The following CUBN variants were observed in gnomAD, a reference collection of about 807,000 sequenced individuals.
CUBN encodes the protein 460 kDa receptor.
In CUBN, 282 loss-of-function variants were observed where a neutral mutation model predicts 405.3. That is an observed-to-expected ratio of 0.70 (90% confidence interval 0.63 to 0.77). The LOEUF (loss-of-function observed/expected upper bound fraction) is 0.77. CUBN is among the 30% of genes least tolerant of loss of function. The pLI is 0.00. For synonymous variants in CUBN, 1,684 were observed against 1,617.0 expected, an observed-to-expected ratio of 1.04 and a Z score of -0.99; for missense variants, 4,514 against 4,475.2, an observed-to-expected ratio of 1.01 and a Z score of -0.25.
chr10:16,876,767 C>T, intron 57 of CUBN, 130 bp downstream of exon 57: 1 of 838,364 alleles, frequency 1.2e-6, no homozygotes, highest in Non-Finnish European at 2.0e-6. Flanking sequence ...CCATGAACCT[C>T]ACTGACAATC....
At chr10:16,936,864 G>T (rs1329555855) in intron 39 of CUBN, among the ~76,000 whole-genome samples, 1 of 152,010 alleles carries the variant, frequency 6.6e-6, no homozygotes, top group East Asian at 1.9e-4. Flanking sequence ...CTACAGACGC[G>T]CTCCACCACG....
At position 17,084,408 on chromosome 10, in the gene CUBN, G is replaced by A. The variant is rs1836052672; in HGVS notation, c.2164C>T (p.Pro722Ser). ...TGAGTGAAAGGCCCAGACAACTCAGGCAAGAAGAGTTCACCCTCTGGGTCC... is the reference window on the plus strand; with the variant it reads ...TGAGTGAAAGGCCCAGACAACTCAGACAAGAAGAGTTCACCCTCTGGGTCC... ...YTDPEGELFL[P>S]ELSGPFTHTR... Residue 722 changes from proline (P) to serine (S), a missense_variant, in exon 17 of 67, where the codon CCT (proline) becomes TCT (serine). This residue lies in a region of CUBN where 1,448 missense variants were observed against 1,388.0 expected (regional missense o/e 1.04). Coordinates refer to ENST00000377833, the MANE Select transcript of CUBN (RefSeq NM_001081.4). The A allele has an allele frequency of 3.7e-6, 6 of 1,614,044 alleles. No homozygotes were observed. The highest frequency in any genetic ancestry group is 4.2e-6 in the Non-Finnish European group (5 of 1,179,998).
At chr10:17,061,798 T>C (rs371627888) in intron 22 of CUBN, among the ~76,000 whole-genome samples, 16 of 152,316 alleles carry the variant, frequency 1.1e-4, no homozygotes, top group African/African-American at 3.8e-4. Context: ...AGTTTGATGA[T>C]AGCCCTGAAT....
Position 16,938,949 on chromosome 10 carries a change from A to C in CUBN, c.5733+14T>G. 1 of 1,601,216 alleles carries C rather than the reference A, an allele frequency of 6.2e-7. No homozygotes were observed. On this transcript the variant is annotated intron_variant, in intron 38 of 66. Coordinates refer to ENST00000377833, the MANE Select transcript of CUBN (RefSeq NM_001081.4). ...ACCAATATTTATGAACATTGATTGC[A>C]TGTGGAAACTCACCCTTAATTTGTC...
intron 28 of CUBN, among the ~76,000 whole-genome samples, chr10:17,019,115 T>C (rs895561926): frequency 3.9e-5 from 6 of 152,228 alleles, no homozygotes; most frequent in Admixed American, 3.9e-4. Context: ...ATGCTGACGC[T>C]GCTCTCTAGG....
intron 60 of CUBN, among the ~76,000 whole-genome samples, chr10:16,847,887 A>G (rs1839566400): frequency 7.0e-6 from 1 of 143,836 alleles, no homozygotes; most frequent in Non-Finnish European, 1.5e-5. Context: ...TTTGATTATA[A>G]TCTCTAAAAA....
intron 31 of CUBN, among the ~76,000 whole-genome samples, chr10:16,962,345 A>G (rs75286686): frequency 0.033 from 5,045 of 152,118 alleles, 287 homozygotes; most frequent in African/African-American, 0.12. Context: ...CTATGGAGGC[A>G]AAAAAGAAAA....
chr10:17,054,344 A>AC (rs1168204008), intron 22 of CUBN, among the ~76,000 whole-genome samples: 2 of 151,446 alleles, frequency 1.3e-5, no homozygotes, highest in East Asian at 3.9e-4. Flanking sequence ...AAAAAAAAAA[A>AC]AAACTGGGGA....
intron 56 of CUBN, among the ~76,000 whole-genome samples, chr10:16,884,357 T>TTTC (rs1840750651): frequency 6.6e-6 from 1 of 151,412 alleles, no homozygotes; most frequent in Admixed American, 6.6e-5. Flanking sequence ...CAAGAAGTGC[T>TTTC]TTATCTATGA....
intron 53 of CUBN, among the ~76,000 whole-genome samples, chr10:16,899,434 C>T (rs1841292137): frequency 6.6e-6 from 1 of 152,160 alleles, no homozygotes; most frequent in African/African-American, 2.4e-5. Context: ...TAATCCGTGC[C>T]ATAGAGAGGA....
At chr10:17,040,925 C>A (rs528259669) in intron 27 of CUBN, 108 bp downstream of exon 27, 7 of 997,624 alleles carry the variant, frequency 7.0e-6, no homozygotes, top group Non-Finnish European at 4.8e-6. Flanking sequence ...GTTATAGATG[C>A]GTGGGGCAGA....
At chr10:17,086,765 G>A (rs1318143663) in intron 15 of CUBN, among the ~76,000 whole-genome samples, 2 of 152,026 alleles carry the variant, frequency 1.3e-5, no homozygotes, top group Non-Finnish European at 2.9e-5. Context: ...AAAGTTAGAT[G>A]GCAGCATAAC....
At chr10:16,902,511 G>A (rs1391921095) in intron 51 of CUBN, among the ~76,000 whole-genome samples, 1 of 151,680 alleles carries the variant, frequency 6.6e-6, no homozygotes, top group African/African-American at 2.4e-5. Flanking sequence ...ATGGTCTGAT[G>A]TTCAATACAA....
intron 28 of CUBN, among the ~76,000 whole-genome samples, chr10:16,995,841 T>G (rs780908184): frequency 7.2e-5 from 11 of 152,246 alleles, no homozygotes; most frequent in African/African-American, 2.7e-4. Flanking sequence ...TGAATTATTT[T>G]TATTTGAAAT....
At chr10:17,123,507 G>A in intron 5 of CUBN, 81 bp downstream of exon 5, 1 of 1,071,656 alleles carries the variant, frequency 9.3e-7, no homozygotes, top group East Asian at 2.5e-5. Context: ...TTTAGATGGA[G>A]AATTAAATAT....
At position 16,840,931 on chromosome 10, in the gene CUBN, TAA is replaced by T; in HGVS notation, c.9778_9779del (p.Leu3260AsnfsTer8). The T allele has an allele frequency of 6.2e-7, 1 of 1,613,606 alleles. No homozygotes were observed. Among genetic ancestry groups the T allele is most frequent in the Non-Finnish European group, 8.5e-7 (1 of 1,179,744 alleles). The stretch of plus-strand genomic sequence containing the variant: ...CATTAAATCCTTCCCTCTCTAATGT[TAA>T]GTCACTGATGAATTGAACCGTAAGG... ...NFLTVQFISD[L>X]TLEREGFNAT... On this transcript the variant is annotated frameshift_variant, in exon 61 of 67. Coordinates refer to ENST00000377833, the MANE Select transcript of CUBN (RefSeq NM_001081.4). LOFTEE classifies it high-confidence loss of function.
intron 50 of CUBN, 105 bp from the exon 51 acceptor site, chr10:16,904,220 T>G: frequency 9.3e-7 from 1 of 1,073,124 alleles, no homozygotes; most frequent in Admixed American, 1.7e-5. Flanking sequence ...GACACACACT[T>G]AAATTCTGAT....
intron 59 of CUBN, among the ~76,000 whole-genome samples, chr10:16,859,114 C>T (rs907995324): frequency 3.9e-5 from 6 of 151,964 alleles, no homozygotes; most frequent in South Asian, 2.1e-4. Flanking sequence ...AAGAAAAAGT[C>T]GATAAATTGA....
At chr10:16,933,642 T>C (rs1443851200) in intron 39 of CUBN, among the ~76,000 whole-genome samples, 2 of 152,168 alleles carry the variant, frequency 1.3e-5, no homozygotes, top group South Asian at 2.1e-4. Context: ...TTCTTTATCA[T>C]TTTTGCGTAG....
Sources: gnomAD v4.1 joint callset for allele counts (sites outside exome capture counted in the v4.1 genomes callset) on GRCh38, gnomAD v4.1.1 for gene constraint, gnomAD v4.1.1 regional missense constraint, MANE v1.5 for transcripts, NCBI Gene and HGNC (gene_info 2026-07-23, HGNC 2026-07-21) for gene names.